Variants in HLCS observed in about 807,000 individuals in gnomAD.
The protein encoded by HLCS is holocarboxylase synthetase.
A neutral mutation model predicts 75.0 loss-of-function variants in HLCS; 53 were observed. The observed-to-expected ratio is 0.71, with a 90% CI of 0.57 to 0.89. The LOEUF (loss-of-function observed/expected upper bound fraction) is 0.89. HLCS is among the 40% of genes least tolerant of loss of function. HLCS has a pLI of 0.00. For synonymous variants in HLCS, 431 were observed against 428.6 expected, an observed-to-expected ratio of 1.01 and a Z score of -0.07; for missense variants, 966 against 1,074.0, an observed-to-expected ratio of 0.90 and a Z score of 1.41.
chr21:36,879,874 C>T (rs2064135362), intron 6 of HLCS, among the ~76,000 whole-genome samples: 1 of 150,344 alleles, frequency 6.7e-6, no homozygotes, highest in African/African-American at 2.5e-5. Flanking sequence ...TGCACCACTA[C>T]ACTCCAGCCT....
intron 5 of HLCS, among the ~76,000 whole-genome samples, chr21:36,929,678 T>C (rs530151004): frequency 5.3e-5 from 8 of 152,304 alleles, no homozygotes; most frequent in Non-Finnish European, 1.0e-4. Flanking sequence ...ACTGATAGTA[T>C]GGCCAAGCAG....
Position 36,858,626 on chromosome 21 carries a change from G to A in HLCS, c.1892+38234C>T, listed in dbSNP as rs140862258. 7.2e-3 allele frequency among the ~76,000 whole-genome samples: 1,100 copies of A among 152,278 alleles called. 15 individuals are homozygous for A. Among genetic ancestry groups the A allele is most frequent in the African/African-American group, 0.025 (1,056 of 41,558 alleles). ...GAGACAGAGACAGATGTTAAATAAC[G>A]CAGTACATCAAGGGCTGAGGAGGCC... On this transcript the variant is annotated intron_variant, in intron 6 of 10. Transcript: ENST00000674895.
chr21:36,810,919 G>A (rs1456539695), intron 6 of HLCS, among the ~76,000 whole-genome samples: 1 of 151,828 alleles, frequency 6.6e-6, no homozygotes, highest in Non-Finnish European at 1.5e-5. Context: ...ACCAAATCTG[G>A]GATAATTTGA....
At chr21:36,930,688 C>T (rs150583620) in intron 4 of HLCS, among the ~76,000 whole-genome samples, 263 of 152,236 alleles carry the variant, frequency 1.7e-3, no homozygotes, top group African/African-American at 6.0e-3. Context: ...GAGCACATCA[C>T]ACCCAGATAG....
intron 6 of HLCS, among the ~76,000 whole-genome samples, chr21:36,837,529 TAATC>T (rs1188195613): frequency 6.6e-6 from 1 of 152,200 alleles, no homozygotes; most frequent in African/African-American, 2.4e-5. Flanking sequence ...AAAATACTAT[TAATC>T]AAGAGGGAAT....
Position 36,751,485 on chromosome 21 carries a change from G to C in HLCS, c.*2761C>G, listed in dbSNP as rs2089362316. The C allele has an allele frequency of 6.6e-6, 1 of 152,296 alleles. No homozygotes were observed. Among genetic ancestry groups the C allele is most frequent in the South Asian group, 2.1e-4 (1 of 4,836 alleles). The allele number at this position is 152,296 out of a possible 1,614,324, so 9.4% of individuals were successfully genotyped here. On this transcript the variant is annotated 3_prime_UTR_variant, in exon 11 of 11. Transcript: ENST00000674895. The stretch of plus-strand genomic sequence containing the variant: ...AGACTCCAGGGCAAGGGGCGACCAT[G>C]CTGTATATGCTGTGCCTTGGGGGAC...
At chr21:36,803,271 A>C (rs972010786) in intron 6 of HLCS, among the ~76,000 whole-genome samples, 2 of 152,254 alleles carry the variant, frequency 1.3e-5, no homozygotes, top group African/African-American at 4.8e-5. Flanking sequence ...CCACTCCTGC[A>C]GGCAGGCAGC....
At chr21:36,850,365 G>A (rs2062950189) in intron 6 of HLCS, among the ~76,000 whole-genome samples, 1 of 152,242 alleles carries the variant, frequency 6.6e-6, no homozygotes, top group African/African-American at 2.4e-5. Flanking sequence ...CCTGTGTGGG[G>A]TTTCCTCTTT....
At chr21:36,770,018 T>C (rs1260289375) in intron 6 of HLCS, among the ~76,000 whole-genome samples, 2 of 151,992 alleles carry the variant, frequency 1.3e-5, no homozygotes, top group Non-Finnish European at 2.9e-5. Flanking sequence ...TAAATTCTGA[T>C]AAATTAAGTC....
chr21:36,862,104 T>C (rs2063399945), intron 6 of HLCS, among the ~76,000 whole-genome samples: 1 of 152,268 alleles, frequency 6.6e-6, no homozygotes, highest in South Asian at 2.1e-4. Flanking sequence ...GGTTCATCCA[T>C]GGTACAGCAT....
chr21:36,782,532 C>G (rs1163618071), intron 6 of HLCS, among the ~76,000 whole-genome samples: 2 of 152,164 alleles, frequency 1.3e-5, no homozygotes, highest in Non-Finnish European at 2.9e-5. Flanking sequence ...TGGACCAGTT[C>G]TGGTAGAGAT....
chr21:36,838,200 C>T (rs993480745), intron 6 of HLCS, among the ~76,000 whole-genome samples: 2 of 152,054 alleles, frequency 1.3e-5, no homozygotes, highest in Non-Finnish European at 2.9e-5. Flanking sequence ...GGAAACTAGA[C>T]ACTTACATTC....
chr21:36,929,963 A>G (rs1287099768), intron 5 of HLCS, among the ~76,000 whole-genome samples: 4 of 152,244 alleles, frequency 2.6e-5, no homozygotes, highest in Non-Finnish European at 5.9e-5. Flanking sequence ...GAATAAAGTT[A>G]CAGTCTGAAT....
chr21:36,919,956 T>C (rs955713563), intron 5 of HLCS, among the ~76,000 whole-genome samples: 2 of 152,194 alleles, frequency 1.3e-5, no homozygotes, highest in African/African-American at 4.8e-5. Flanking sequence ...GCATAAATAC[T>C]GCAGAGAGTC....
chr21:36,912,539 A>G (rs2065763294), intron 5 of HLCS, among the ~76,000 whole-genome samples: 1 of 152,184 alleles, frequency 6.6e-6, no homozygotes, highest in Admixed American at 6.5e-5. Context: ...TCTATTTAGG[A>G]CGCTTAAAAA....
intron 9 of HLCS, among the ~76,000 whole-genome samples, chr21:36,757,754 A>G (rs2089660250): frequency 6.6e-6 from 1 of 152,170 alleles, no homozygotes; most frequent in African/African-American, 2.4e-5. Flanking sequence ...TTACCTCTGG[A>G]AAAAAAACAA....
At chr21:36,888,030 A>G (rs2064546807) in intron 6 of HLCS, among the ~76,000 whole-genome samples, 1 of 152,180 alleles carries the variant, frequency 6.6e-6, no homozygotes, top group Non-Finnish European at 1.5e-5. Context: ...CTTCGCCTCC[A>G]GAATCAATTT....
At chr21:36,904,568 A>G (rs1229738683) in intron 5 of HLCS, among the ~76,000 whole-genome samples, 1 of 152,208 alleles carries the variant, frequency 6.6e-6, no homozygotes, top group Non-Finnish European at 1.5e-5. Context: ...ATTCTCTTAA[A>G]TATTTATATT....
chr21:36,875,071 C>T (rs2063916251), intron 6 of HLCS, among the ~76,000 whole-genome samples: 1 of 152,186 alleles, frequency 6.6e-6, no homozygotes, highest in Non-Finnish European at 1.5e-5. Flanking sequence ...AGACTTTGGT[C>T]ACCAATGAAC....
Sources: gnomAD v4.1 joint callset for allele counts (sites outside exome capture counted in the v4.1 genomes callset) on GRCh38, gnomAD v4.1.1 for gene constraint, MANE v1.5 for transcripts, NCBI Gene and HGNC (gene_info 2026-07-23, HGNC 2026-07-21) for gene names.